RCSD1: variants seen among roughly 807,000 people sequenced by gnomAD.
The protein encoded by RCSD1 is capZ-interacting protein.
Under a neutral mutation model 42.5 loss-of-function variants are expected in RCSD1, and 26 were observed. The observed-to-expected ratio is 0.61, with a 90% CI of 0.45 to 0.85. RCSD1 has a LOEUF of 0.85. Among genes scored for constraint, RCSD1 ranks in the 40% least tolerant of loss-of-function variants. The pLI is 0.00. For missense variants in RCSD1, 571 were observed against 528.3 expected (o/e 1.08, Z -0.79); for synonymous variants, 220 against 212.2 (o/e 1.04, Z -0.32).
chr1:167,680,403 T>TGGGAGGAGGAGGAGG, intron 1 of RCSD1, among the ~76,000 whole-genome samples: 1 of 151,878 alleles, frequency 6.6e-6, no homozygotes, highest in East Asian at 1.9e-4. Flanking sequence ...CCAGGTCGGA[T>TGGGAGGAGGAGGAGG]GGGAGGAGGA....
chr1:167,663,253 C>A (rs1484956418), intron 1 of RCSD1, among the ~76,000 whole-genome samples: 1 of 152,242 alleles, frequency 6.6e-6, no homozygotes, highest in Non-Finnish European at 1.5e-5. Context: ...CCTTTGAGAG[C>A]CCCTGCCCTC....
intron 1 of RCSD1, chr1:167,630,658 T>G (rs993853119): frequency 4.0e-6 from 1 of 249,798 alleles, no homozygotes; most frequent in Non-Finnish European, 7.2e-6. Flanking sequence ...TAAGGAAAGA[T>G]CTCAGAGGGA....
chr1:167,630,502 G>T, intron 1 of RCSD1, 73 bp downstream of exon 1: 1 of 1,417,932 alleles, frequency 7.1e-7, no homozygotes, highest in South Asian at 1.5e-5. Flanking sequence ...CCGGGCGGCT[G>T]CCCCTGCCCT....
At chr1:167,638,887 G>A (rs943434590) in intron 1 of RCSD1, among the ~76,000 whole-genome samples, 7 of 152,120 alleles carry the variant, frequency 4.6e-5, no homozygotes, top group African/African-American at 1.7e-4. Context: ...ACCAATGGTC[G>A]TACTTAAAGT....
intron 1 of RCSD1, among the ~76,000 whole-genome samples, chr1:167,682,241 C>T (rs972807491): frequency 1.3e-5 from 2 of 150,008 alleles, no homozygotes; most frequent in African/African-American, 5.0e-5. Context: ...GTGATCTTGG[C>T]TCACTGCAAC....
chr1:167,687,758 A>T (rs1027804387), intron 3 of RCSD1, among the ~76,000 whole-genome samples: 1 of 152,202 alleles, frequency 6.6e-6, no homozygotes, highest in African/African-American at 2.4e-5. Flanking sequence ...CTGCCCCGCT[A>T]TGCTTGCTCA....
intron 1 of RCSD1, among the ~76,000 whole-genome samples, chr1:167,665,691 TA>T (rs1344115852): frequency 6.6e-6 from 1 of 152,242 alleles, no homozygotes; most frequent in African/African-American, 2.4e-5. Flanking sequence ...TTTACAGTCT[TA>T]ATTTGTGTTT....
At position 167,630,338 on chromosome 1, in the gene RCSD1, G is replaced by T; in HGVS notation, c.-86G>T. ...CCCGCCGCAGCCCGAAACTGGCCAC[G>T]GCCGGGAGCGGAGGGGACAGCGGGG... On this transcript the variant is annotated 5_prime_UTR_variant, in exon 1 of 7. Transcript: ENST00000367854. 2.3e-6 allele frequency: 3 copies of T among 1,318,880 alleles called. No individual in the cohort carries two copies. Among genetic ancestry groups the T allele is most frequent in the Non-Finnish European group, 2.9e-6 (3 of 1,019,512 alleles). 81.7% of individuals were successfully genotyped at this position (1,318,880 alleles called of 1,614,324 possible). A position where few individuals can be genotyped will look rare whatever the true frequency, so the allele number is the denominator to read the frequency against.
chr1:167,662,455 C>G (rs140925987), intron 1 of RCSD1, among the ~76,000 whole-genome samples: 66 of 152,108 alleles, frequency 4.3e-4, no homozygotes, highest in African/African-American at 1.4e-3. Flanking sequence ...TTCTTCTCCC[C>G]GTTCACAATT....
intron 4 of RCSD1, among the ~76,000 whole-genome samples, chr1:167,693,473 G>C (rs188534175): frequency 6.6e-6 from 1 of 152,304 alleles, no homozygotes; most frequent in East Asian, 1.9e-4. Flanking sequence ...TCATACTATG[G>C]TGTGTCCCAC....
intron 1 of RCSD1, among the ~76,000 whole-genome samples, chr1:167,667,000 C>T (rs1267161850): frequency 1.6e-4 from 25 of 152,238 alleles, no homozygotes; most frequent in Admixed American, 1.5e-3. Flanking sequence ...AGCAATTCAA[C>T]TCAGCTGGAT....
At chr1:167,649,288 C>G (rs1349937500) in intron 1 of RCSD1, among the ~76,000 whole-genome samples, 1 of 152,154 alleles carries the variant, frequency 6.6e-6, no homozygotes, top group East Asian at 1.9e-4. Context: ...CAGGCAAGAC[C>G]TCGAGAACCT....
intron 1 of RCSD1, among the ~76,000 whole-genome samples, chr1:167,683,475 G>A (rs1028647656): frequency 6.6e-6 from 1 of 152,190 alleles, no homozygotes; most frequent in Admixed American, 6.5e-5. Context: ...TGGCACTCAA[G>A]TAGGGAACAA....
At chr1:167,674,182 C>T (rs745511305) in intron 1 of RCSD1, among the ~76,000 whole-genome samples, 8 of 152,180 alleles carry the variant, frequency 5.3e-5, no homozygotes, top group African/African-American at 1.9e-4. Flanking sequence ...CTGAGTGCCC[C>T]CTCAAGCCAG....
intron 1 of RCSD1, among the ~76,000 whole-genome samples, chr1:167,635,591 C>T (rs983680688): frequency 2.0e-5 from 3 of 152,172 alleles, no homozygotes; most frequent in African/African-American, 7.2e-5. Flanking sequence ...GGCTCAGCAG[C>T]CCGGTAATCT....
rs534571000 is a variant in RCSD1 at position 167,655,327 on chromosome 1, C to T, written c.6+24898C>T. Among the ~76,000 whole-genome samples the T allele has an allele frequency of 3.2e-4, 49 of 152,262 alleles. No individual in the cohort carries two copies. The South Asian group carries it at 9.7e-3, about 30-fold the overall frequency. ...AGAGGAAATGGCTCAAACCAGATAT[C>T]GCTTTGTTTGTTTTCCCTGTGAAGA... On this transcript the variant is annotated intron_variant, in intron 1 of 6. Transcript: ENST00000367854.
chr1:167,697,416 C>A lies in RCSD1; in HGVS notation c.792C>A (p.Ala264=). ...AGGAAGCCAAGAACGGTGAAAAGGC[C>A]AGGCGGAGTTCAGAGGAGGTGGACG... ...ATEEAKNGEK[A]RRSSEEVDGQ... The change falls in exon 6 of 7, where the codon GCC becomes GCA. Residue 264 remains alanine (A), a synonymous_variant. Coordinates refer to ENST00000367854, the MANE Select transcript of RCSD1 (RefSeq NM_052862.4). The A allele has an allele frequency of 6.2e-7, 1 of 1,612,964 alleles. No homozygotes were observed. Among genetic ancestry groups the A allele is most frequent in the Non-Finnish European group, 8.5e-7 (1 of 1,179,558 alleles).
At chr1:167,697,020 A>AT in intron 5 of RCSD1, 79 bp from the exon 6 acceptor site, 2 of 1,327,150 alleles carry the variant, frequency 1.5e-6, no homozygotes, top group Non-Finnish European at 2.1e-6. Flanking sequence ...CACCAGACTG[A>AT]CATTGAAAGT....
intron 2 of RCSD1, among the ~76,000 whole-genome samples, chr1:167,684,826 A>G (rs892802377): frequency 6.6e-6 from 1 of 152,186 alleles, no homozygotes; most frequent in African/African-American, 2.4e-5. Context: ...GTGAGCCGAG[A>G]TGGTAACATT....
Sources: gnomAD v4.1 joint callset for allele counts (sites outside exome capture counted in the v4.1 genomes callset) on GRCh38, gnomAD v4.1.1 for gene constraint, MANE v1.5 for transcripts, NCBI Gene and HGNC (gene_info 2026-07-23, HGNC 2026-07-21) for gene names.